The following AGFG1 variants were observed in gnomAD, a reference collection of about 807,000 sequenced individuals.
AGFG1 encodes ArfGAP with FG repeats 1, also known as arf-GAP domain and FG repeat-containing protein 1.
A neutral mutation model predicts 60.6 loss-of-function variants in AGFG1; 10 were observed. The observed-to-expected ratio is 0.16, with a 90% CI of 0.10 to 0.28. AGFG1 has a LOEUF of 0.28. Ranked by LOEUF, AGFG1 falls within the 10% of genes least tolerant of loss-of-function variation. The probability of loss-of-function intolerance (pLI) is 1.00; values close to 1 mark genes in which losing one functional copy is unlikely to be tolerated. For missense variants in AGFG1, 537 were observed against 676.5 expected, an observed-to-expected ratio of 0.79 and a Z score of 2.29; for synonymous variants, 247 against 242.9, an observed-to-expected ratio of 1.02 and a Z score of -0.16.
chr2:227,497,121 C>T (rs929837820), intron 2 of AGFG1, among the ~76,000 whole-genome samples: 1 of 152,014 alleles, frequency 6.6e-6, no homozygotes, highest in African/African-American at 2.4e-5. Context: ...TGTGGGCCAC[C>T]TGTATTCTCT....
chr2:227,553,632 T>C, intron 11 of AGFG1, 72 bp from the exon 12 acceptor site: 2 of 1,240,692 alleles, frequency 1.6e-6, no homozygotes, highest in East Asian at 2.3e-5. Flanking sequence ...CTGAAAGTTA[T>C]TATGAGGCTT....
chr2:227,515,308 C>T (rs569978101), intron 2 of AGFG1, among the ~76,000 whole-genome samples: 3 of 152,250 alleles, frequency 2.0e-5, no homozygotes, highest in Admixed American at 6.5e-5. Context: ...CTGCATGGCC[C>T]TCTGAATTCC....
chr2:227,502,715 TTCC>T (rs1691196703), intron 2 of AGFG1, among the ~76,000 whole-genome samples: 1 of 152,200 alleles, frequency 6.6e-6, no homozygotes, highest in Non-Finnish European at 1.5e-5. Context: ...TAGTGAATGG[TTCC>T]TCTTCTCTGT....
Position 227,523,938 on chromosome 2 carries a change from T to A in AGFG1, c.540+13T>A. 6.2e-7 allele frequency: 1 copy of A among 1,605,650 alleles called. No homozygotes were observed. The highest frequency in any genetic ancestry group is 8.5e-7 in the Non-Finnish European group (1 of 1,173,678). ...CACACCTAGTCAGGTGAGTAGTCTT[T>A]GAATCTTTGTAGGGAATTCGACTTA... On this transcript the variant is annotated intron_variant, in intron 4 of 12. Coordinates refer to ENST00000310078, the MANE Select transcript of AGFG1 (RefSeq NM_004504.5).
chr2:227,553,640 C>CT, intron 11 of AGFG1, 64 bp from the exon 12 acceptor site: 1 of 1,327,840 alleles, frequency 7.5e-7, no homozygotes, highest in South Asian at 1.2e-5. Flanking sequence ...TATTATGAGG[C>CT]TTTATAAGCA....
At chr2:227,531,498 A>G (rs1209457541) in intron 6 of AGFG1, among the ~76,000 whole-genome samples, 3 of 146,858 alleles carry the variant, frequency 2.0e-5, no homozygotes, top group African/African-American at 7.6e-5. Context: ...GCATGACACT[A>G]CTATAAGTAT....
rs537540497 is a variant in AGFG1 at position 227,499,660 on chromosome 2, A to G, written c.261+8020A>G. ...GTCTCAAAAAAAAAAAAAAGGAAGA[A>G]AAAAAGGGATTGGAGGCTAGATGGA... On this transcript the variant is annotated intron_variant, in intron 2 of 12. Transcript: ENST00000310078. 1.1e-4 allele frequency among the ~76,000 whole-genome samples: 17 copies of G among 151,896 alleles called. No homozygotes were observed. The South Asian group carries it at 3.5e-3, about 32-fold the overall frequency.
At chr2:227,501,723 A>G (rs902211111) in intron 2 of AGFG1, among the ~76,000 whole-genome samples, 2 of 152,122 alleles carry the variant, frequency 1.3e-5, no homozygotes, top group African/African-American at 2.4e-5. Context: ...AGCTGGGACC[A>G]TAGGCATACA....
intron 4 of AGFG1, 131 bp downstream of exon 4, chr2:227,524,056 C>G: frequency 1.1e-6 from 1 of 932,096 alleles, no homozygotes; most frequent in Non-Finnish European, 1.6e-6. Flanking sequence ...GTTTGTTATA[C>G]ATTAAGAAAT....
chr2:227,554,339 AG>A, intron 12 of AGFG1, 96 bp from the exon 13 acceptor site: 1 of 996,382 alleles, frequency 1.0e-6, no homozygotes, highest in Non-Finnish European at 1.5e-6. Context: ...TTAACCAAAA[AG>A]TCTAATTAAA....
intron 1 of AGFG1, among the ~76,000 whole-genome samples, chr2:227,478,614 G>C (rs930102123): frequency 6.6e-5 from 10 of 152,112 alleles, no homozygotes; most frequent in African/African-American, 2.4e-4. Flanking sequence ...GATTACAGGC[G>C]TGAATTACCA....
intron 10 of AGFG1, among the ~76,000 whole-genome samples, chr2:227,549,698 C>G (rs375755808): frequency 6.6e-5 from 10 of 152,290 alleles, no homozygotes; most frequent in African/African-American, 2.4e-4. Context: ...TGGATAATCT[C>G]ATATGATCCT....
intron 1 of AGFG1, among the ~76,000 whole-genome samples, chr2:227,481,762 A>G (rs775650781): frequency 6.6e-6 from 1 of 151,860 alleles, no homozygotes; most frequent in African/African-American, 2.4e-5. Flanking sequence ...TAAACACATC[A>G]TGGTAACCCT....
chr2:227,526,997 A>G (rs772617010), intron 5 of AGFG1, among the ~76,000 whole-genome samples: 11 of 152,230 alleles, frequency 7.2e-5, no homozygotes, highest in East Asian at 3.8e-4. Context: ...CAAGCATGCA[A>G]ACCTTGCAGA....
At chr2:227,519,469 T>C (rs1691764750) in intron 2 of AGFG1, among the ~76,000 whole-genome samples, 1 of 152,192 alleles carries the variant, frequency 6.6e-6, no homozygotes, top group Non-Finnish European at 1.5e-5. Context: ...CAAAAATGCA[T>C]AGGAGACAGC....
At chr2:227,510,107 C>G (rs1219381236) in intron 2 of AGFG1, among the ~76,000 whole-genome samples, 1 of 152,100 alleles carries the variant, frequency 6.6e-6, no homozygotes, top group African/African-American at 2.4e-5. Context: ...ATTTATAAAG[C>G]TCTTTGTAAT....
At chr2:227,474,289 C>T (rs947887864) in intron 1 of AGFG1, among the ~76,000 whole-genome samples, 1 of 152,162 alleles carries the variant, frequency 6.6e-6, no homozygotes, top group Non-Finnish European at 1.5e-5. Flanking sequence ...CCTGCTTTTA[C>T]TAAACACAGG....
chr2:227,496,225 G>A (rs1690971370), intron 2 of AGFG1, among the ~76,000 whole-genome samples: 1 of 152,002 alleles, frequency 6.6e-6, no homozygotes, highest in Non-Finnish European at 1.5e-5. Flanking sequence ...TCTCTATACT[G>A]GATTAAAAAC....
chr2:227,520,947 G>T (rs1049763977), intron 3 of AGFG1, among the ~76,000 whole-genome samples: 2 of 152,196 alleles, frequency 1.3e-5, no homozygotes, highest in African/African-American at 4.8e-5. Context: ...TTTTGGTCCT[G>T]AGGGAACATT....
Sources: allele counts gnomAD v4.1 joint callset (sites outside exome capture counted in the v4.1 genomes callset), GRCh38; gene constraint gnomAD v4.1.1; transcripts MANE v1.5; gene names NCBI Gene and HGNC (gene_info 2026-07-23, HGNC 2026-07-21).